NAA11: variants seen among roughly 807,000 people sequenced by gnomAD.
NAA11 encodes the protein N-alpha-acetyltransferase 11.
NAA11 carries 15 observed loss-of-function variants against 16.1 expected under a neutral mutation model. The observed-to-expected ratio is 0.93, with a 90% CI of 0.62 to 1.44. The LOEUF (loss-of-function observed/expected upper bound fraction) is 1.44, where lower values mean the gene tolerates loss of function less well. Ranked by LOEUF, NAA11 falls within the 40% of genes most tolerant of loss-of-function variation. NAA11 has a pLI of 0.00. For synonymous variants in NAA11, 122 were observed against 112.4 expected, an observed-to-expected ratio of 1.09 and a Z score of -0.54; for missense variants, 298 against 291.3, an observed-to-expected ratio of 1.02 and a Z score of -0.17.
the NAA11 span, among the ~76,000 whole-genome samples, chr4:79,171,577 A>T: frequency 6.6e-6 from 1 of 152,116 alleles, no homozygotes; most frequent in Non-Finnish European, 1.5e-5. Flanking sequence ...TATAGTAAAG[A>T]CTCTGAAGGG....
the NAA11 span, among the ~76,000 whole-genome samples, chr4:79,216,162 G>A: frequency 2.0e-5 from 3 of 152,090 alleles, no homozygotes; most frequent in East Asian, 1.9e-4. Flanking sequence ...GGGGAGCAAG[G>A]TAGGAGATAA....
chr4:79,175,418 G>A, the NAA11 span, among the ~76,000 whole-genome samples: 1 of 152,104 alleles, frequency 6.6e-6, no homozygotes, highest in Non-Finnish European at 1.5e-5. Flanking sequence ...AATGCAGAAA[G>A]TTGTGGAGCT....
At chr4:79,230,460 C>A (rs912415759) in intron 2 of NAA11, among the ~76,000 whole-genome samples, 7 of 151,006 alleles carry the variant, frequency 4.6e-5, no homozygotes, top group Non-Finnish European at 7.4e-5. Context: ...TATATAAAGT[C>A]TTTTAGCATT....
intron 2 of NAA11, among the ~76,000 whole-genome samples, chr4:79,247,673 G>A (rs1265278270): frequency 6.6e-6 from 1 of 152,078 alleles, no homozygotes; most frequent in African/African-American, 2.4e-5. Context: ...ACAGAGGGAG[G>A]ACAGAGATAC....
chr4:79,185,987 CTATTAAAA>C, the NAA11 span, among the ~76,000 whole-genome samples: 1 of 152,070 alleles, frequency 6.6e-6, no homozygotes. Context: ...GTGCCCTTGG[CTATTAAAA>C]ACAGTGTTTT....
chr4:79,267,516 G>T lies in NAA11; in HGVS notation c.*122+26489C>A, dbSNP rs113153119. Among the ~76,000 whole-genome samples the T allele has an allele frequency of 1.3e-5, 2 of 152,262 alleles. 1 individual carries two copies. Among genetic ancestry groups the T allele is most frequent in the African/African-American group, 4.8e-5 (2 of 41,556 alleles). ...TTCTTCTAGTTTTAAGCATATACTT[G>T]TTTGGAGGCAAAGGAGTAAACTATT... On this transcript the variant is annotated intron_variant and NMD_transcript_variant, in intron 2 of 2. Transcript: ENST00000511542.
chr4:79,161,864 G>A, the NAA11 span, among the ~76,000 whole-genome samples: 1 of 152,006 alleles, frequency 6.6e-6, no homozygotes, highest in Admixed American at 6.6e-5. Context: ...TCTATTTTTA[G>A]TACAGACAGG....
intron 2 of NAA11, among the ~76,000 whole-genome samples, chr4:79,272,032 A>G (rs1722506305): frequency 6.6e-6 from 1 of 151,942 alleles, no homozygotes; most frequent in African/African-American, 2.4e-5. Flanking sequence ...ACACACATAT[A>G]GAGATATATA....
the NAA11 span, among the ~76,000 whole-genome samples, chr4:79,211,041 T>C: frequency 6.6e-6 from 1 of 151,984 alleles, no homozygotes; most frequent in Non-Finnish European, 1.5e-5. Context: ...TATACAGTGC[T>C]TTTTTTTGCC....
the NAA11 span, among the ~76,000 whole-genome samples, chr4:79,190,557 C>G: frequency 6.6e-6 from 1 of 151,848 alleles, no homozygotes; most frequent in African/African-American, 2.4e-5. Context: ...ATTCACCCAA[C>G]ATTTGCTGAT....
chr4:79,158,698 G>GATATATAT, the NAA11 span, among the ~76,000 whole-genome samples: 994 of 112,106 alleles, frequency 8.9e-3, 27 homozygotes, highest in African/African-American at 0.024. Context: ...CACATTACCT[G>GATATATAT]ATATATATAT....
chr4:79,170,296 T>C, the NAA11 span, among the ~76,000 whole-genome samples: 2 of 152,206 alleles, frequency 1.3e-5, no homozygotes, highest in Non-Finnish European at 2.9e-5. Context: ...CACTGGGCTT[T>C]ACAAATTATG....
At chr4:79,282,820 G>A (rs968998796) in intron 2 of NAA11, among the ~76,000 whole-genome samples, 4 of 152,046 alleles carry the variant, frequency 2.6e-5, no homozygotes, top group Non-Finnish European at 4.4e-5. Flanking sequence ...TTAACTCCAT[G>A]GAACTGGATG....
At chr4:79,192,133 T>C in the NAA11 span, among the ~76,000 whole-genome samples, 1 of 152,210 alleles carries the variant, frequency 6.6e-6, no homozygotes, top group African/African-American at 2.4e-5. Flanking sequence ...CCAGCTTCGT[T>C]CTTTTTGCTT....
intron 1 of NAA11, among the ~76,000 whole-genome samples, chr4:79,319,101 T>C (rs904377202): frequency 3.9e-5 from 6 of 152,140 alleles, no homozygotes; most frequent in Admixed American, 6.5e-5. Context: ...TAATGTTTTT[T>C]AGTTTTTGTA....
At chr4:79,199,816 G>T in the NAA11 span, among the ~76,000 whole-genome samples, 1 of 151,782 alleles carries the variant, frequency 6.6e-6, no homozygotes, top group African/African-American at 2.4e-5. Flanking sequence ...AAAATCTAAA[G>T]TCTGAAATAG....
chr4:79,277,935 AAATT>A (rs1229838068), intron 2 of NAA11, among the ~76,000 whole-genome samples: 1 of 151,916 alleles, frequency 6.6e-6, no homozygotes, highest in African/African-American at 2.4e-5. Flanking sequence ...ATTAAAAAGA[AAATT>A]AAAAAAAAAA....
At chr4:79,182,539 G>A in the NAA11 span, among the ~76,000 whole-genome samples, 10 of 152,264 alleles carry the variant, frequency 6.6e-5, no homozygotes, top group East Asian at 1.9e-4. Context: ...CCCAATTAAC[G>A]AGAGGATCAA....
the NAA11 span, among the ~76,000 whole-genome samples, chr4:79,165,578 G>A: frequency 1.3e-5 from 2 of 152,218 alleles, no homozygotes; most frequent in South Asian, 4.1e-4. Context: ...TGTAGAATTG[G>A]ATAATGAATC....
Sources: gnomAD v4.1 joint callset for allele counts (sites outside exome capture counted in the v4.1 genomes callset) on GRCh38, gnomAD v4.1.1 for gene constraint, MANE v1.5 for transcripts, NCBI Gene and HGNC (gene_info 2026-07-23, HGNC 2026-07-21) for gene names.